ANKS1B: variants seen among roughly 807,000 people sequenced by gnomAD.
ANKS1B encodes the protein ankyrin repeat and sterile alpha motif domain containing 1B.
ANKS1B carries 36 observed loss-of-function variants against 148.3 expected under a neutral mutation model. The ratio of observed to expected loss-of-function variants is 0.24; its 90% CI spans 0.19 to 0.32. The LOEUF is 0.32. Ranked by LOEUF, ANKS1B falls within the 10% of genes least tolerant of loss-of-function variation. The probability of loss-of-function intolerance (pLI) is 1.00; values close to 1 mark genes in which losing one functional copy is unlikely to be tolerated. For synonymous variants in ANKS1B, 542 were observed against 560.8 expected, an observed-to-expected ratio of 0.97 and a Z score of 0.47; for missense variants, 1,157 against 1,542.6, an observed-to-expected ratio of 0.75 and a Z score of 4.19.
chr12:99,249,939 T>C (rs1385966369), intron 12 of ANKS1B, among the ~76,000 whole-genome samples: 2 of 152,224 alleles, frequency 1.3e-5, no homozygotes, highest in African/African-American at 4.8e-5. Flanking sequence ...TAGGTTTTAT[T>C]ATATTTTTCA....
At chr12:99,464,037 C>A (rs549608610) in intron 10 of ANKS1B, among the ~76,000 whole-genome samples, 1 of 152,278 alleles carries the variant, frequency 6.6e-6, no homozygotes, top group South Asian at 2.1e-4. Flanking sequence ...TTGGGAGGCA[C>A]CCCCCAGTAG....
At chr12:99,652,628 T>G (rs2098427885) in intron 9 of ANKS1B, among the ~76,000 whole-genome samples, 1 of 152,164 alleles carries the variant, frequency 6.6e-6, no homozygotes. Flanking sequence ...CCAATAGAGA[T>G]ACTTTTTAAA....
intron 9 of ANKS1B, among the ~76,000 whole-genome samples, chr12:99,585,266 T>C (rs2097620125): frequency 6.6e-6 from 1 of 152,000 alleles, no homozygotes; most frequent in Admixed American, 6.6e-5. Flanking sequence ...AAGTCCAAAA[T>C]CCAGCAGGGC....
At chr12:99,530,586 A>T (rs1567285407) in intron 9 of ANKS1B, among the ~76,000 whole-genome samples, 1 of 152,222 alleles carries the variant, frequency 6.6e-6, no homozygotes, top group Non-Finnish European at 1.5e-5. Context: ...GCAAAAAGCA[A>T]AAGTGATTTT....
intron 12 of ANKS1B, among the ~76,000 whole-genome samples, chr12:99,338,639 A>G (rs903085603): frequency 3.3e-5 from 5 of 152,148 alleles, no homozygotes; most frequent in African/African-American, 1.2e-4. Context: ...GGGCCATGCC[A>G]GAAGCCAGCA....
At chr12:99,195,601 G>C (rs2081293519) in intron 14 of ANKS1B, among the ~76,000 whole-genome samples, 2 of 152,066 alleles carry the variant, frequency 1.3e-5, no homozygotes, top group Non-Finnish European at 2.9e-5. Context: ...AGATCACAAA[G>C]AAATAGCAAA....
intron 9 of ANKS1B, among the ~76,000 whole-genome samples, chr12:99,610,573 C>T (rs2097893071): frequency 6.6e-6 from 1 of 151,908 alleles, no homozygotes; most frequent in African/African-American, 2.4e-5. Flanking sequence ...TATGGCCTGC[C>T]TTAGGGGAAA....
intron 12 of ANKS1B, among the ~76,000 whole-genome samples, chr12:99,388,479 C>T (rs540029285): frequency 6.6e-6 from 1 of 152,138 alleles, no homozygotes; most frequent in Non-Finnish European, 1.5e-5. Flanking sequence ...ATGGGAGAGG[C>T]ACCTTGAGGC....
intron 8 of ANKS1B, among the ~76,000 whole-genome samples, chr12:99,767,785 A>G (rs1052371126): frequency 3.3e-5 from 5 of 152,174 alleles, no homozygotes; most frequent in African/African-American, 1.2e-4. Flanking sequence ...GCAAGACAAA[A>G]TGCAATTTTA....
chr12:99,865,993 A>T (rs1486674330), intron 1 of ANKS1B, among the ~76,000 whole-genome samples: 1 of 152,112 alleles, frequency 6.6e-6, no homozygotes, highest in Non-Finnish European at 1.5e-5. Context: ...AGACTCTCCA[A>T]AATTTAAATC....
chr12:98,796,202 C>T (rs769826448), intron 22 of ANKS1B, among the ~76,000 whole-genome samples: 6 of 152,118 alleles, frequency 3.9e-5, no homozygotes, highest in Non-Finnish European at 8.8e-5. Flanking sequence ...AAACATTGAT[C>T]AGAATTGGGA....
At chr12:99,107,213 G>A (rs954290819) in intron 15 of ANKS1B, among the ~76,000 whole-genome samples, 6 of 151,984 alleles carry the variant, frequency 3.9e-5, no homozygotes, top group African/African-American at 1.2e-4. Context: ...AATGGACAGT[G>A]ACCCCATCAC....
intron 1 of ANKS1B, among the ~76,000 whole-genome samples, chr12:99,922,452 A>G (rs2094382447): frequency 6.6e-6 from 1 of 152,180 alleles, no homozygotes. Flanking sequence ...AACGTTTTGT[A>G]TTAAGAATAG....
chr12:99,614,416 C>A (rs546702125), intron 9 of ANKS1B, among the ~76,000 whole-genome samples: 22 of 124,816 alleles, frequency 1.8e-4, no homozygotes, highest in African/African-American at 6.5e-4. Context: ...GCCTGGGTGA[C>A]AGAGTGAGAC....
chr12:99,164,794 C>G (rs536701395), intron 14 of ANKS1B, among the ~76,000 whole-genome samples: 10 of 152,158 alleles, frequency 6.6e-5, no homozygotes, highest in Non-Finnish European at 1.5e-4. Flanking sequence ...TTTTCCTAGT[C>G]AATTACTAGA....
chr12:99,842,144 C>A (rs971879146), intron 1 of ANKS1B, among the ~76,000 whole-genome samples: 1 of 151,852 alleles, frequency 6.6e-6, no homozygotes, highest in Non-Finnish European at 1.5e-5. Context: ...TAGGTTTTGA[C>A]GAGTTATTTT....
intron 17 of ANKS1B, among the ~76,000 whole-genome samples, chr12:99,002,641 T>A (rs958819117): frequency 6.6e-6 from 1 of 152,152 alleles, no homozygotes; most frequent in Non-Finnish European, 1.5e-5. Context: ...ATGTCTTCTT[T>A]GGAAAAATGT....
intron 9 of ANKS1B, among the ~76,000 whole-genome samples, chr12:99,652,976 A>T (rs917314511): frequency 1.3e-5 from 2 of 152,172 alleles, no homozygotes; most frequent in African/African-American, 4.8e-5. Context: ...TAGTTTTTTT[A>T]AATTACATGA....
intron 15 of ANKS1B, chr12:99,097,430 T>C (rs1040420097): frequency 1.3e-5 from 2 of 151,972 alleles, no homozygotes; most frequent in African/African-American, 4.8e-5. Context: ...GGCTCGAAAA[T>C]ATTTCCTATC....
Sources: allele counts gnomAD v4.1 joint callset (sites outside exome capture counted in the v4.1 genomes callset), GRCh38; gene constraint gnomAD v4.1.1; transcripts MANE v1.5; gene names NCBI Gene and HGNC (gene_info 2026-07-23, HGNC 2026-07-21).